The following PIN4 variants were observed in gnomAD, a reference collection of about 807,000 sequenced individuals.
PIN4 encodes the protein peptidyl-prolyl cis-trans isomerase NIMA-interacting 4.
PIN4 carries 3 observed loss-of-function variants against 8.3 expected under a neutral mutation model. That is an observed-to-expected ratio of 0.36 (90% confidence interval 0.16 to 0.93). The LOEUF is 0.93. Ranked by LOEUF, PIN4 falls within the 40% of genes least tolerant of loss-of-function variation. The pLI, the probability that PIN4 is intolerant of heterozygous loss-of-function variation, is 0.44. For missense variants in PIN4, 75 were observed against 100.6 expected, an observed-to-expected ratio of 0.75 and a Z score of 1.09; for synonymous variants, 18 against 32.5, an observed-to-expected ratio of 0.55 and a Z score of 1.52.
chrX:72,224,457 A>G (rs940366431), intron 3 of PIN4, among the ~76,000 whole-genome samples: 4 of 111,545 alleles, frequency 3.6e-5, no homozygotes, highest in Non-Finnish European at 5.6e-5. Flanking sequence ...CACATCAAAT[A>G]GACTTAAAAC....
intron 3 of PIN4, among the ~76,000 whole-genome samples, chrX:72,203,408 GA>G (rs962354632): frequency 8.9e-6 from 1 of 112,052 alleles, no homozygotes; most frequent in African/African-American, 3.2e-5. Context: ...AAGTCAGACA[GA>G]AGTGTGGTTA....
intron 1 of PIN4, among the ~76,000 whole-genome samples, chrX:72,183,400 G>A (rs1044438526): frequency 9.0e-6 from 1 of 111,704 alleles, no homozygotes; most frequent in African/African-American, 3.3e-5. Flanking sequence ...AATTATCCAT[G>A]GAGAGTTTAT....
chrX:72,209,261 C>T (rs998030703), intron 3 of PIN4, among the ~76,000 whole-genome samples: 5 of 111,331 alleles, frequency 4.5e-5, no homozygotes, highest in Admixed American at 2.9e-4. Flanking sequence ...CCAGAGCTTC[C>T]GCTCCCACCT....
At chrX:72,226,803 AC>A (rs2042956720) in intron 3 of PIN4, among the ~76,000 whole-genome samples, 1 of 111,315 alleles carries the variant, frequency 9.0e-6, no homozygotes, top group Admixed American at 9.6e-5. Flanking sequence ...CACAAGTCAA[AC>A]CCCCATACTG....
chrX:72,240,045 T>G (rs2043042180), intron 3 of PIN4, among the ~76,000 whole-genome samples: 2 of 98,721 alleles, frequency 2.0e-5, no homozygotes, highest in South Asian at 4.6e-4. Context: ...GCCAAGATCA[T>G]GCCACTGCAC....
intron 3 of PIN4, among the ~76,000 whole-genome samples, chrX:72,213,148 C>T (rs1051726453): frequency 4.5e-5 from 5 of 111,675 alleles, no homozygotes; most frequent in African/African-American, 1.6e-4. Flanking sequence ...GTCCTCTCAA[C>T]AAGAACCCAG....
chrX:72,186,563 TTAAATA>T, intron 2 of PIN4, 29 bp downstream of exon 2: 3 of 999,454 alleles, frequency 3.0e-6, no homozygotes, highest in Non-Finnish European at 4.2e-6. Flanking sequence ...TTTTTCCATG[TTAAATA>T]TAAATTCTGT....
At chrX:72,217,154 C>T (rs1346753237) in intron 3 of PIN4, among the ~76,000 whole-genome samples, 2 of 111,864 alleles carry the variant, frequency 1.8e-5, no homozygotes. Flanking sequence ...ATGCTTCCTT[C>T]CTGTTTATTC....
In PIN4 at chrX:72,198,253, A is replaced by C. The variant is rs1394918103; in HGVS notation, c.*727A>C. 1.4e-6 allele frequency: 1 copy of C among 726,681 alleles called. No individual in the cohort carries two copies. Among genetic ancestry groups the C allele is most frequent in the Admixed American group, 8.8e-5 (1 of 11,418 alleles). The allele number at this position is 726,681 out of a possible 1,213,427, so 59.9% of individuals were successfully genotyped here. ...CTGTGCATCTAAATTTTTAAAATTT[A>C]AAATGCCATATTTATGACATATAAA... On this transcript the variant is annotated 3_prime_UTR_variant, in exon 4 of 4. Coordinates refer to ENST00000373669, the MANE Select transcript of PIN4 (RefSeq NM_006223.4).
At chrX:72,238,971 T>C (rs2043034756) in intron 3 of PIN4, 5 of 1,027,042 alleles carry the variant, frequency 4.9e-6, no homozygotes, top group Non-Finnish European at 4.0e-6. Context: ...GCTTGGAGCT[T>C]GGAGCTTGGA....
In PIN4 at chrX:72,185,582, G is replaced by T. The variant is rs188242815; in HGVS notation, c.44-879G>T. 4.3e-3 allele frequency among the ~76,000 whole-genome samples: 484 copies of T among 112,453 alleles called. 2 individuals are homozygous for T. The highest frequency in any genetic ancestry group is 0.014 in the African/African-American group (445 of 31,046). ...TCCCAGTGCCTGGAACTCAGTAGTTGTATAGGAAATGTTTATTGAACTGAG... is the reference window on the plus strand; with the variant it reads ...TCCCAGTGCCTGGAACTCAGTAGTTTTATAGGAAATGTTTATTGAACTGAG... On this transcript the variant is annotated intron_variant, in intron 1 of 3. Transcript: ENST00000373669.
intron 1 of PIN4, chrX:72,186,195 CATT>C (rs1268898455): frequency 7.9e-6 from 3 of 379,824 alleles, no homozygotes; most frequent in Non-Finnish European, 1.4e-5. Flanking sequence ...TTTCTTAAAA[CATT>C]ATGAGATTTT....
downstream of PIN4, among the ~76,000 whole-genome samples, chrX:72,202,074 T>C (rs1474114758): frequency 8.8e-6 from 1 of 113,209 alleles, no homozygotes; most frequent in African/African-American, 3.2e-5. Flanking sequence ...GGATATTTCC[T>C]GTCATAGCTT....
chrX:72,200,375 G>T (rs2042785751), downstream of PIN4, among the ~76,000 whole-genome samples: 1 of 111,541 alleles, frequency 9.0e-6, no homozygotes, highest in African/African-American at 3.3e-5. Flanking sequence ...GTAAAGTTCA[G>T]AAAGTTTAAC....
chrX:72,219,996 AT>A (rs980783322), intron 3 of PIN4, among the ~76,000 whole-genome samples: 14 of 111,485 alleles, frequency 1.3e-4, no homozygotes, highest in Non-Finnish European at 9.4e-5. Flanking sequence ...TAGCTATGGG[AT>A]TTTTGTAGAT....
intron 1 of PIN4, among the ~76,000 whole-genome samples, chrX:72,182,625 A>C (rs2042679835): frequency 9.0e-6 from 1 of 111,578 alleles, no homozygotes; most frequent in South Asian, 3.7e-4. Context: ...AAAGCACTGT[A>C]CTAAATGTAG....
intron 3 of PIN4, among the ~76,000 whole-genome samples, chrX:72,252,935 G>T (rs953885144): frequency 7.2e-5 from 8 of 111,285 alleles, no homozygotes; most frequent in African/African-American, 2.6e-4. Context: ...GAATATTAAG[G>T]ACACCCAAAT....
At chrX:72,186,366 G>GT (rs1569488172) in intron 1 of PIN4, 95 bp from the exon 2 acceptor site, 1 of 612,008 alleles carries the variant, frequency 1.6e-6, no homozygotes, top group Admixed American at 2.6e-5. Context: ...GAAGTGTGGC[G>GT]TTATGATGGA....
chrX:72,196,253 C>T (rs896798417), intron 2 of PIN4, among the ~76,000 whole-genome samples: 4 of 110,980 alleles, frequency 3.6e-5, no homozygotes, highest in African/African-American at 1.3e-4. Context: ...GGGAGCTTCC[C>T]GGCCGTGAGC....
Sources: gnomAD v4.1 joint callset for allele counts (sites outside exome capture counted in the v4.1 genomes callset) on GRCh38, gnomAD v4.1.1 for gene constraint, MANE v1.5 for transcripts, NCBI Gene and HGNC (gene_info 2026-07-23, HGNC 2026-07-21) for gene names.